The following FAM171A1 variants were observed in gnomAD, a reference collection of about 807,000 sequenced individuals.
FAM171A1 encodes the protein protein FAM171A1.
FAM171A1 carries 23 observed loss-of-function variants against 74.9 expected under a neutral mutation model. The observed-to-expected ratio is 0.31, with a 90% confidence interval of 0.22 to 0.44. The LOEUF is 0.44. FAM171A1 is among the 20% of genes least tolerant of loss of function. FAM171A1 has a pLI of 1.00. For synonymous variants in FAM171A1, 527 were observed against 505.7 expected (o/e 1.04, Z -0.57); for missense variants, 1,162 against 1,159.2 (o/e 1.00, Z -0.03).
intron 1 of FAM171A1, among the ~76,000 whole-genome samples, chr10:15,369,710 C>T (rs1038784594): frequency 2.6e-5 from 4 of 152,224 alleles, no homozygotes; most frequent in Admixed American, 2.0e-4. Flanking sequence ...GTAGCAACAT[C>T]GTGGTGGAAG....
At chr10:15,234,024 C>T (rs1262602616) in intron 5 of FAM171A1, among the ~76,000 whole-genome samples, 1 of 151,900 alleles carries the variant, frequency 6.6e-6, no homozygotes, top group East Asian at 1.9e-4. Flanking sequence ...TTACAGATCT[C>T]ATATTTGAGG....
intron 5 of FAM171A1, among the ~76,000 whole-genome samples, chr10:15,244,051 C>T (rs1395892751): frequency 6.6e-6 from 1 of 152,154 alleles, no homozygotes; most frequent in Non-Finnish European, 1.5e-5. Flanking sequence ...TCTTAAATTG[C>T]CTTTTAAAGA....
Position 15,248,878 on chromosome 10 carries a change from C to T in FAM171A1, c.578-63G>A, listed in dbSNP as rs932489405. 1.2e-4 allele frequency: 179 copies of T among 1,484,362 alleles called. 3 individuals carry two copies. Among genetic ancestry groups the T allele is most frequent in the Admixed American group, 6.9e-5 (3 of 43,474 alleles). The allele number at this position is 1,484,362 out of a possible 1,614,324, so 91.9% of individuals were successfully genotyped here. A position where few individuals can be genotyped will look rare whatever the true frequency, so the allele number is the denominator to read the frequency against. On this transcript the variant is annotated intron_variant, in intron 4 of 7. Coordinates refer to ENST00000378116, the MANE Select transcript of FAM171A1 (RefSeq NM_001010924.2). ...AGTACCCATGTGGGGCTGTGGAAAC[C>T]TTTGCAAAAAAATAGTCGCAGCTAC... is the stretch of plus-strand genomic sequence containing the variant.
chr10:15,267,002 A>G (rs542294640), intron 3 of FAM171A1, among the ~76,000 whole-genome samples: 1 of 152,318 alleles, frequency 6.6e-6, no homozygotes, highest in African/African-American at 2.4e-5. Context: ...CTGGAGCTCC[A>G]CCTCAGGTAG....
At chr10:15,335,523 A>G (rs1835690395) in intron 1 of FAM171A1, among the ~76,000 whole-genome samples, 1 of 152,224 alleles carries the variant, frequency 6.6e-6, no homozygotes, top group South Asian at 2.1e-4. Flanking sequence ...CAAATAGAAG[A>G]AAAACAAAAC....
intron 5 of FAM171A1, among the ~76,000 whole-genome samples, chr10:15,226,397 T>C (rs1283670161): frequency 1.3e-5 from 2 of 152,192 alleles, no homozygotes; most frequent in Non-Finnish European, 2.9e-5. Context: ...GATTGTTACA[T>C]AGTTTTTAAA....
At chr10:15,289,628 G>A (rs911592874) in intron 1 of FAM171A1, among the ~76,000 whole-genome samples, 1 of 152,150 alleles carries the variant, frequency 6.6e-6, no homozygotes, top group Admixed American at 6.5e-5. Context: ...TGAGGCTGGA[G>A]GGAGCTATCC....
rs147989914 is a variant in FAM171A1 at position 15,362,702 on chromosome 10, C to T, written c.97+8254G>A. ...GGGTGCCACTGCACTCCAGCCTAGG[C>T]GACAGAGCGAGACTCTGTCTCAAAA... On this transcript the variant is annotated intron_variant, in intron 1 of 7. Coordinates refer to ENST00000378116, the MANE Select transcript of FAM171A1 (RefSeq NM_001010924.2). 2.1e-3 allele frequency among the ~76,000 whole-genome samples: 323 copies of T among 152,260 alleles called. 1 individual carries two copies. Among genetic ancestry groups the T allele is most frequent in the African/African-American group, 7.4e-3 (309 of 41,546 alleles).
chr10:15,315,445 T>A (rs1835411681), intron 1 of FAM171A1, among the ~76,000 whole-genome samples: 1 of 152,232 alleles, frequency 6.6e-6, no homozygotes, highest in South Asian at 2.1e-4. Context: ...TGGGCTTTGT[T>A]ATCATCACTA....
At chr10:15,311,701 T>C (rs1224372784) in intron 1 of FAM171A1, among the ~76,000 whole-genome samples, 2 of 151,714 alleles carry the variant, frequency 1.3e-5, no homozygotes, top group East Asian at 1.9e-4. Flanking sequence ...TAGGAGGTGA[T>C]TGCTCTCAAG....
chr10:15,263,741 G>GTCTATCTATCTA (rs55705228), intron 3 of FAM171A1, among the ~76,000 whole-genome samples: 2,012 of 140,632 alleles, frequency 0.014, 18 homozygotes, highest in East Asian at 0.022. Flanking sequence ...CTATCTGTCT[G>GTCTATCTATCTA]TCTATCTATC....
intron 1 of FAM171A1, among the ~76,000 whole-genome samples, chr10:15,303,729 G>A (rs895300063): frequency 2.0e-5 from 3 of 152,200 alleles, no homozygotes; most frequent in African/African-American, 2.4e-5. Context: ...AATGTCACCT[G>A]CCCAATGGGT....
At chr10:15,315,733 C>T (rs1158712208) in intron 1 of FAM171A1, among the ~76,000 whole-genome samples, 1 of 152,184 alleles carries the variant, frequency 6.6e-6, no homozygotes, top group Admixed American at 6.5e-5. Context: ...CCTGGTGTCC[C>T]CCCAACTCCC....
At chr10:15,365,573 C>A (rs1836049678) in intron 1 of FAM171A1, among the ~76,000 whole-genome samples, 1 of 152,140 alleles carries the variant, frequency 6.6e-6, no homozygotes, top group Non-Finnish European at 1.5e-5. Context: ...AAGTTCAAGA[C>A]CAGCTTGGCC....
rs1395785088 is a variant in FAM171A1 at position 15,248,735 on chromosome 10, C to T, written c.658G>A (p.Val220Met). ...LLSSNGTPVLVDGPIYVTVPL... is the reference protein window; with the variant it reads ...LLSSNGTPVLMDGPIYVTVPL... ...ACAGTGACATAGATGGGACCATCCA[C>T]CAGCACCGGCGTTCCATTACTGCTC... The change falls in exon 5 of 8, where the codon GTG becomes ATG. Residue 220 changes from valine (V) to methionine (M), a missense_variant. Val to Met is a conservative substitution (Grantham distance 21). Transcript: ENST00000378116. The T allele has an allele frequency of 3.1e-6, 5 of 1,613,896 alleles. No homozygotes were observed. The highest frequency in any genetic ancestry group is 2.2e-5 in the East Asian group (1 of 44,876).
chr10:15,255,651 CTTCTT>C (rs1312215702), intron 3 of FAM171A1, among the ~76,000 whole-genome samples: 7 of 131,772 alleles, frequency 5.3e-5, no homozygotes, highest in Non-Finnish European at 8.4e-5. Context: ...TTCTTTTCTT[CTTCTT>C]TTTTTTTTTT....
chr10:15,234,845 G>A (rs1338139526), intron 5 of FAM171A1, among the ~76,000 whole-genome samples: 2 of 151,804 alleles, frequency 1.3e-5, no homozygotes, highest in Non-Finnish European at 2.9e-5. Flanking sequence ...TGTATTTTTA[G>A]TAGAGACGGG....
chr10:15,237,278 A>G (rs548385200), intron 5 of FAM171A1, among the ~76,000 whole-genome samples: 1 of 152,266 alleles, frequency 6.6e-6, no homozygotes, highest in South Asian at 2.1e-4. Flanking sequence ...ACGTTAAGAG[A>G]CCTAAGTCCC....
intron 5 of FAM171A1, among the ~76,000 whole-genome samples, chr10:15,236,532 G>A (rs909825775): frequency 2.4e-4 from 36 of 151,836 alleles, no homozygotes; most frequent in African/African-American, 7.5e-4. Flanking sequence ...ACCAGAGGAG[G>A]AGCCGGCATT....
Sources: gnomAD v4.1 joint callset for allele counts (sites outside exome capture counted in the v4.1 genomes callset) on GRCh38, gnomAD v4.1.1 for gene constraint, MANE v1.5 for transcripts, NCBI Gene and HGNC (gene_info 2026-07-23, HGNC 2026-07-21) for gene names.